Variants in FOXN3 observed in about 807,000 individuals in gnomAD.
The protein encoded by FOXN3 is forkhead box N3.
In FOXN3, 7 loss-of-function variants were observed where a neutral mutation model predicts 38.4. That is an observed-to-expected ratio of 0.18 (90% CI 0.10 to 0.34). The LOEUF (loss-of-function observed/expected upper bound fraction) is 0.34, where lower values mean the gene tolerates loss of function less well. FOXN3 is among the 10% of genes least tolerant of loss of function. The pLI is 1.00. For synonymous variants in FOXN3, 230 were observed against 242.2 expected (o/e 0.95, Z 0.47); for missense variants, 456 against 613.4 (o/e 0.74, Z 2.71).
chr14:89,528,689 C>T (rs1396914823), intron 1 of FOXN3, among the ~76,000 whole-genome samples: 5 of 152,182 alleles, frequency 3.3e-5, no homozygotes, highest in Middle Eastern at 3.4e-3. Context: ...AGCCACCACA[C>T]TCGGGCTGAT....
intron 3 of FOXN3, among the ~76,000 whole-genome samples, chr14:89,338,827 G>T (rs1733273212): frequency 6.6e-6 from 1 of 152,086 alleles, no homozygotes; most frequent in East Asian, 1.9e-4. Context: ...AAAATATTTG[G>T]TATGCAGCAT....
intron 3 of FOXN3, among the ~76,000 whole-genome samples, chr14:89,332,739 G>C (rs1231756931): frequency 6.6e-6 from 1 of 152,124 alleles, no homozygotes; most frequent in African/African-American, 2.4e-5. Context: ...GTACAGCAAA[G>C]GAAATAGTCT....
rs779152824 is a variant in FOXN3, at chr14:89,162,534, C to T, written c.1287G>A (p.Glu429=). The T allele has an allele frequency of 1.2e-4, 189 of 1,613,526 alleles. No individual in the cohort carries two copies. Among genetic ancestry groups the T allele is most frequent in the Non-Finnish European group, 1.5e-4 (180 of 1,179,944 alleles). ...RTEKPPESDD[E]EMKEAAGSLL... ...GGGACCCTGCCGCTTCTTTCATCTC[C>T]TCATCATCGCTCTCGGGGGGCTTTT... The change falls in exon 6 of 6, where the codon GAG becomes GAA. Residue 429 remains glutamate, a synonymous_variant. Coordinates refer to ENST00000557258, the MANE Select transcript of FOXN3 (RefSeq NM_005197.4). The surrounding 1 kb of genome is among the most constrained non-coding windows in gnomAD (Gnocchi z 7.2).
At chr14:89,229,542 C>T (rs1050439786) in intron 4 of FOXN3, among the ~76,000 whole-genome samples, 1 of 152,164 alleles carries the variant, frequency 6.6e-6, no homozygotes, top group African/African-American at 2.4e-5. Flanking sequence ...ACCCTAGTTG[C>T]AGAAGTTAGA....
chr14:89,608,891 G>A lies in FOXN3; in HGVS notation c.-15+10137C>T, dbSNP rs115173559. Among the ~76,000 whole-genome samples the A allele has an allele frequency of 3.9e-3, 589 of 152,282 alleles. 7 individuals carry two copies. The highest frequency in any genetic ancestry group is 0.013 in the African/African-American group (557 of 41,564). On this transcript the variant is annotated intron_variant, in intron 1 of 6. Transcript: ENST00000345097. ...ATCAAAAGTTATTCTTTCTCTTGAC[G>A]ATCAATGGGTGTGTGCTGGGAAGGA...
upstream of FOXN3, among the ~76,000 whole-genome samples, chr14:89,420,101 C>A (rs1891862227): frequency 6.6e-6 from 1 of 152,220 alleles, no homozygotes; most frequent in South Asian, 2.1e-4. Flanking sequence ...CTATAGGTGA[C>A]TCCACTCTCT....
intron 1 of FOXN3, among the ~76,000 whole-genome samples, chr14:89,556,856 A>G (rs973939919): frequency 2.6e-5 from 4 of 152,214 alleles, no homozygotes; most frequent in African/African-American, 9.6e-5. Flanking sequence ...AGGGATGGGA[A>G]GAGCTGTATT....
chr14:89,379,117 C>T (rs868722040), intron 2 of FOXN3, among the ~76,000 whole-genome samples: 3 of 152,200 alleles, frequency 2.0e-5, no homozygotes, highest in Middle Eastern at 6.3e-3. Context: ...GCTTTCTTCA[C>T]TTGGCATTTA....
intron 4 of FOXN3, among the ~76,000 whole-genome samples, chr14:89,258,751 G>C (rs929758637): frequency 2.6e-5 from 4 of 152,152 alleles, no homozygotes; most frequent in African/African-American, 9.7e-5. Flanking sequence ...CATCTATGTA[G>C]CTTCTTCTAA....
At chr14:89,426,764 T>C (rs1892039638) in intron 1 of FOXN3, among the ~76,000 whole-genome samples, 1 of 152,040 alleles carries the variant, frequency 6.6e-6, no homozygotes, top group African/African-American at 2.4e-5. Flanking sequence ...CACAGAGAGG[T>C]TTGGCCACTT....
intron 5 of FOXN3, among the ~76,000 whole-genome samples, chr14:89,179,836 A>G (rs1044074939): frequency 2.6e-5 from 4 of 152,236 alleles, no homozygotes; most frequent in Admixed American, 6.5e-5. Context: ...GGGTGAGGGG[A>G]ATCTATGCAG....
At chr14:89,506,255 C>T (rs537055704) in intron 1 of FOXN3, among the ~76,000 whole-genome samples, 7 of 63,042 alleles carry the variant, frequency 1.1e-4, no homozygotes, top group African/African-American at 1.6e-4. Flanking sequence ...CTCGGCCAGC[C>T]GCCCCGTCCG....
chr14:89,436,164 T>A (rs1054955483), intron 1 of FOXN3, among the ~76,000 whole-genome samples: 1 of 151,712 alleles, frequency 6.6e-6, no homozygotes, highest in Non-Finnish European at 1.5e-5. Context: ...CTACAACTCA[T>A]GGGTAGGAAG....
At chr14:89,328,807 G>A (rs1240545519) in intron 3 of FOXN3, among the ~76,000 whole-genome samples, 2 of 152,176 alleles carry the variant, frequency 1.3e-5, no homozygotes, top group Non-Finnish European at 2.9e-5. Context: ...CTGACACCAC[G>A]ACAAGGGTAG....
chr14:89,178,076 C>T (rs541226400), intron 5 of FOXN3, among the ~76,000 whole-genome samples: 6 of 152,232 alleles, frequency 3.9e-5, no homozygotes, highest in South Asian at 2.1e-4. Flanking sequence ...GGAGTAATCT[C>T]GGCTCACTGC....
At chr14:89,546,329 C>CTTATTTTTTT (rs1894879492) in intron 1 of FOXN3, among the ~76,000 whole-genome samples, 1 of 78,314 alleles carries the variant, frequency 1.3e-5, no homozygotes, top group Non-Finnish European at 2.3e-5. Flanking sequence ...TTTCCTTTTT[C>CTTATTTTTTT]TTTTTTTTTT....
At chr14:89,372,810 T>C (rs1461941748) in intron 2 of FOXN3, among the ~76,000 whole-genome samples, 2 of 152,044 alleles carry the variant, frequency 1.3e-5, no homozygotes, top group African/African-American at 2.4e-5. Context: ...CTTTAATCGC[T>C]GAGGGAACTA....
intron 5 of FOXN3, among the ~76,000 whole-genome samples, chr14:89,169,970 A>G (rs1887346011): frequency 2.0e-5 from 3 of 152,346 alleles, no homozygotes; most frequent in Admixed American, 2.0e-4. Context: ...AAGAAAAAAG[A>G]AGCCATGTGC....
chr14:89,402,325 G>C (rs1891271365), intron 2 of FOXN3, among the ~76,000 whole-genome samples: 1 of 152,148 alleles, frequency 6.6e-6, no homozygotes, highest in Admixed American at 6.5e-5. Context: ...TAGCATCCTA[G>C]CTCCTCCAAC....
Sources: allele counts gnomAD v4.1 joint callset (sites outside exome capture counted in the v4.1 genomes callset), GRCh38; gene constraint gnomAD v4.1.1; non-coding constraint Gnocchi (gnomAD v3.1); transcripts MANE v1.5; gene names NCBI Gene and HGNC (gene_info 2026-07-23, HGNC 2026-07-21).